Variants in IL31RA observed in about 807,000 individuals in gnomAD.
IL31RA encodes interleukin 31 receptor A.
Under a neutral mutation model 83.7 loss-of-function variants are expected in IL31RA, and 66 were observed. That is an observed-to-expected ratio of 0.79 (90% CI 0.65 to 0.97). IL31RA has a LOEUF of 0.97. Ranked by LOEUF, IL31RA falls within the 50% of genes least tolerant of loss-of-function variation. IL31RA has a pLI of 0.00. For missense variants in IL31RA, 798 were observed against 919.4 expected, an observed-to-expected ratio of 0.87 and a Z score of 1.71; for synonymous variants, 325 against 329.0, an observed-to-expected ratio of 0.99 and a Z score of 0.13.
At chr5:55,860,965 C>T (rs541409466) in intron 2 of IL31RA, among the ~76,000 whole-genome samples, 1 of 152,232 alleles carries the variant, frequency 6.6e-6, no homozygotes, top group African/African-American at 2.4e-5. Context: ...CCCTCTGTGC[C>T]CACACAACCC....
intron 6 of IL31RA, among the ~76,000 whole-genome samples, chr5:55,892,385 T>C (rs1748058793): frequency 6.6e-6 from 1 of 152,206 alleles, no homozygotes; most frequent in African/African-American, 2.4e-5. Flanking sequence ...TCAGATAACA[T>C]CTGGGGTCAA....
chr5:55,875,051 C>G (rs548420538), intron 4 of IL31RA, among the ~76,000 whole-genome samples: 1 of 152,220 alleles, frequency 6.6e-6, no homozygotes, highest in South Asian at 2.1e-4. Flanking sequence ...TCCTTCCACT[C>G]ATAGTTTGTT....
chr5:55,866,394 C>A (rs889960006), intron 2 of IL31RA, among the ~76,000 whole-genome samples: 1 of 152,044 alleles, frequency 6.6e-6, no homozygotes, highest in African/African-American at 2.4e-5. Flanking sequence ...GGGATGGTTT[C>A]AGGATGAAAC....
rs571459182 is a variant in IL31RA at position 55,883,026 on chromosome 5, T to C, written c.455-18T>C. 6.2e-7 allele frequency: 1 copy of C among 1,612,950 alleles called. No homozygotes were observed. The highest frequency in any genetic ancestry group is 2.2e-5 in the East Asian group (1 of 44,866). ...TATCTTTTTGCAGATATGAGAGTTG[T>C]ATGATTTTTATTTTCAGCGAAAACT... On this transcript the variant is annotated intron_variant, in intron 4 of 14. Coordinates refer to ENST00000652347, the MANE Select transcript of IL31RA (RefSeq NM_139017.7).
At chr5:55,901,940 GA>G (rs1425916117) in intron 8 of IL31RA, among the ~76,000 whole-genome samples, 1 of 152,108 alleles carries the variant, frequency 6.6e-6, no homozygotes, top group Non-Finnish European at 1.5e-5. Context: ...TAAAATTTCT[GA>G]TTGATCAAAT....
At chr5:55,906,967 A>G (rs1749194853) in intron 9 of IL31RA, among the ~76,000 whole-genome samples, 1 of 152,170 alleles carries the variant, frequency 6.6e-6, no homozygotes, top group Admixed American at 6.5e-5. Context: ...ATACACAGGC[A>G]GGGATGCAGG....
chr5:55,878,469 T>G (rs1187397450), intron 4 of IL31RA, among the ~76,000 whole-genome samples: 2 of 152,208 alleles, frequency 1.3e-5, no homozygotes, highest in African/African-American at 4.8e-5. Context: ...AACAGCTACC[T>G]CTCCACGTCT....
At chr5:55,907,771 A>T (rs1165106043) in intron 10 of IL31RA, among the ~76,000 whole-genome samples, 1 of 152,274 alleles carries the variant, frequency 6.6e-6, no homozygotes, top group Non-Finnish European at 1.5e-5. Context: ...AATTAAGACC[A>T]CATCAGGGAG....
chr5:55,881,635 C>G (rs1427429384), intron 4 of IL31RA, among the ~76,000 whole-genome samples: 3 of 151,924 alleles, frequency 2.0e-5, no homozygotes, highest in Non-Finnish European at 4.4e-5. Flanking sequence ...TTGGAATGCC[C>G]CCAGAAGCTC....
chr5:55,879,518 C>T (rs573879030), intron 4 of IL31RA, among the ~76,000 whole-genome samples: 7 of 142,276 alleles, frequency 4.9e-5, no homozygotes, highest in Admixed American at 3.7e-4. Flanking sequence ...ATGCAACCTC[C>T]GCCTCCCAGG....
rs1285043793 is a variant in IL31RA, at chr5:55,918,579, T to C, written c.*1459T>C. Among the ~76,000 whole-genome samples, 2 of 152,076 alleles carry C rather than the reference T, an allele frequency of 1.3e-5. No homozygotes were observed. The highest frequency in any genetic ancestry group is 2.9e-5 in the Non-Finnish European group (2 of 68,016). On this transcript the variant is annotated 3_prime_UTR_variant, in exon 15 of 15. Coordinates refer to ENST00000652347, the MANE Select transcript of IL31RA (RefSeq NM_139017.7). ...AGGATGTTCAATGGCGCAGCGTGCA[T>C]GGGGCAGAGTTGGTCACTCAGTGGC...
intron 7 of IL31RA, among the ~76,000 whole-genome samples, chr5:55,896,822 CCTTT>C (rs963424969): frequency 1.4e-5 from 1 of 72,358 alleles, no homozygotes; most frequent in Admixed American, 1.7e-4. Context: ...CCCACCGCCG[CCTTT>C]CTTTCTTTTT....
intron 4 of IL31RA, among the ~76,000 whole-genome samples, chr5:55,879,743 T>A (rs1747089070): frequency 2.0e-5 from 3 of 151,776 alleles, no homozygotes; most frequent in African/African-American, 7.3e-5. Flanking sequence ...TCTTTTTTTT[T>A]TTTTTTTCAA....
At chr5:55,905,716 TC>T (rs1245988073) in intron 8 of IL31RA, among the ~76,000 whole-genome samples, 3 of 152,208 alleles carry the variant, frequency 2.0e-5, no homozygotes, top group Non-Finnish European at 2.9e-5. Flanking sequence ...GGTCACCATC[TC>T]CCAGCTTCCC....
chr5:55,868,979 T>A, intron 3 of IL31RA, 71 bp downstream of exon 3: 1 of 887,500 alleles, frequency 1.1e-6, no homozygotes, highest in South Asian at 1.3e-5. Context: ...CATTCATGAT[T>A]CACATCCCAT....
intron 5 of IL31RA, 69 bp from the exon 6 acceptor site, chr5:55,889,901 T>C: frequency 1.5e-6 from 2 of 1,345,620 alleles, no homozygotes; most frequent in Non-Finnish European, 2.1e-6. Context: ...GTACACTAGG[T>C]AGTGAAGAGG....
intron 1 of IL31RA, among the ~76,000 whole-genome samples, chr5:55,857,165 C>T (rs1745412358): frequency 6.6e-6 from 1 of 151,614 alleles, no homozygotes; most frequent in East Asian, 1.9e-4. Flanking sequence ...GTCATGAGAT[C>T]ACAGTTCACT....
intron 2 of IL31RA, among the ~76,000 whole-genome samples, chr5:55,866,049 C>A (rs1044813567): frequency 6.6e-6 from 1 of 152,166 alleles, no homozygotes; most frequent in Middle Eastern, 3.2e-3. Flanking sequence ...AGTTGTTTGT[C>A]CATGGTCCTG....
chr5:55,860,273 G>A (rs1386472596), intron 2 of IL31RA, among the ~76,000 whole-genome samples: 1 of 152,074 alleles, frequency 6.6e-6, no homozygotes, highest in African/African-American at 2.4e-5. Flanking sequence ...GGAGGCTGAG[G>A]TGGGAAGATC....
Sources: allele counts gnomAD v4.1 joint callset (sites outside exome capture counted in the v4.1 genomes callset), GRCh38; gene constraint gnomAD v4.1.1; transcripts MANE v1.5; gene names NCBI Gene and HGNC (gene_info 2026-07-23, HGNC 2026-07-21).